The following PTPN14 variants were observed in gnomAD, a reference collection of about 807,000 sequenced individuals.
PTPN14 encodes tyrosine-protein phosphatase non-receptor type 14.
In PTPN14, 53 loss-of-function variants were observed where a neutral mutation model predicts 126.8. That is an observed-to-expected ratio of 0.42 (90% CI 0.34 to 0.53). PTPN14 has a LOEUF of 0.53. PTPN14 is among the 20% of genes least tolerant of loss of function. The pLI is 0.08. For synonymous variants in PTPN14, 630 were observed against 599.3 expected (o/e 1.05, Z -0.75); for missense variants, 1,257 against 1,552.9 (o/e 0.81, Z 3.20).
At chr1:214,411,575 C>CT (rs991992981) in intron 5 of PTPN14, 109 bp downstream of exon 5, 13 of 794,082 alleles carry the variant, frequency 1.6e-5, no homozygotes, top group Non-Finnish European at 2.4e-5. Context: ...AACCCATCGA[C>CT]TTTTTCCCCA....
In PTPN14 at chr1:214,451,877, T is replaced by C. The variant is rs1023660367; in HGVS notation, c.272A>G (p.Asn91Ser). The change falls in exon 3 of 19, where the codon AAT becomes AGT. Residue 91 changes from asparagine (N) to serine (S), a missense_variant. Transcript: ENST00000366956. ...GACTCCAAAGAAAAGCAAAGGCTCA[T>C]TAGCGAATTTGTCCAGATGTTTCTT... ...PLKKHLDKFA[N>S]EPLLFFGVMF... 6.2e-7 allele frequency: 1 copy of C among 1,614,244 alleles called. No homozygotes were observed. Among genetic ancestry groups the C allele is most frequent in the Non-Finnish European group, 8.5e-7 (1 of 1,180,046 alleles).
intron 9 of PTPN14, 95 bp from the exon 10 acceptor site, chr1:214,393,872 C>T (rs1658817123): frequency 3.1e-6 from 3 of 973,056 alleles, no homozygotes; most frequent in Non-Finnish European, 4.8e-6. Flanking sequence ...ACATCCCTTC[C>T]AACCTTCATC....
intron 1 of PTPN14, among the ~76,000 whole-genome samples, chr1:214,515,491 G>GA (rs146848157): frequency 0.021 from 3,192 of 149,138 alleles, 92 homozygotes; most frequent in African/African-American, 0.074. Context: ...CTCTATTTAA[G>GA]AAAAAAAAAT....
chr1:214,546,230 G>A (rs945591995), intron 1 of PTPN14, among the ~76,000 whole-genome samples: 66 of 152,314 alleles, frequency 4.3e-4, no homozygotes, highest in African/African-American at 1.5e-3. Context: ...TAAACGTGCT[G>A]AATCCAGAAA....
chr1:214,402,194 T>G (rs1433150217), intron 6 of PTPN14, among the ~76,000 whole-genome samples: 2 of 151,738 alleles, frequency 1.3e-5, no homozygotes, highest in African/African-American at 4.8e-5. Flanking sequence ...TCCCAGCACT[T>G]TGGGAGGCCG....
At chr1:214,462,190 A>G (rs981457928) in intron 2 of PTPN14, among the ~76,000 whole-genome samples, 4 of 152,164 alleles carry the variant, frequency 2.6e-5, no homozygotes, top group Non-Finnish European at 4.4e-5. Context: ...TCAGTATTAA[A>G]CACAAACCCC....
chr1:214,494,984 A>C (rs192138912), intron 1 of PTPN14, among the ~76,000 whole-genome samples: 1 of 152,302 alleles, frequency 6.6e-6, no homozygotes, highest in Admixed American at 6.5e-5. Flanking sequence ...CAATAAAATC[A>C]CTTTGGACCT....
intron 1 of PTPN14, among the ~76,000 whole-genome samples, chr1:214,505,679 T>C (rs1654823251): frequency 6.6e-6 from 1 of 152,204 alleles, no homozygotes; most frequent in African/African-American, 2.4e-5. Flanking sequence ...GAGGATTGCT[T>C]GAATTCAGAA....
chr1:214,431,822 G>A (rs1659803521), intron 3 of PTPN14, among the ~76,000 whole-genome samples: 3 of 152,202 alleles, frequency 2.0e-5, no homozygotes, highest in Admixed American at 2.0e-4. Context: ...TAATATGGAT[G>A]AAGAGCTTAG....
In PTPN14 at chr1:214,511,408, G is replaced by A. The variant is rs971522531; in HGVS notation, c.-155+39775C>T. ...CATCACTAATAAGCACATGAAAGATGCTTAGCAACACTAATCATCAGTAGA... is the reference window on the plus strand; with the variant it reads ...CATCACTAATAAGCACATGAAAGATACTTAGCAACACTAATCATCAGTAGA... On this transcript the variant is annotated intron_variant, in intron 1 of 18. Coordinates refer to ENST00000366956, the MANE Select transcript of PTPN14 (RefSeq NM_005401.5). Among the ~76,000 whole-genome samples the A allele has an allele frequency of 7.3e-5, 11 of 151,600 alleles. 1 individual carries two copies. In the South Asian group the frequency reaches 2.3e-3, roughly 32 times the overall value.
At chr1:214,543,348 T>C (rs993319572) in intron 1 of PTPN14, among the ~76,000 whole-genome samples, 14 of 152,314 alleles carry the variant, frequency 9.2e-5, no homozygotes, top group African/African-American at 3.4e-4. Flanking sequence ...CCATGTTTTT[T>C]AAGTATCCAA....
chr1:214,359,414 G>A (rs1166393966), intron 18 of PTPN14, among the ~76,000 whole-genome samples: 3 of 150,738 alleles, frequency 2.0e-5, no homozygotes, highest in Non-Finnish European at 4.4e-5. Context: ...AGTAGAGACG[G>A]GGTTTCAGCA....
chr1:214,449,011 C>CTTT (rs71165970), intron 3 of PTPN14, among the ~76,000 whole-genome samples: 11,019 of 112,470 alleles, frequency 0.098, 2,834 homozygotes, highest in African/African-American at 0.38. Flanking sequence ...CTTAATTTTT[C>CTTT]TTTTTTTTTT....
chr1:214,405,264 C>A (rs975643290), intron 5 of PTPN14, among the ~76,000 whole-genome samples: 9 of 152,296 alleles, frequency 5.9e-5, no homozygotes, highest in African/African-American at 2.2e-4. Flanking sequence ...TACCTCTTCC[C>A]CTTGTGCGTG....
At chr1:214,408,148 T>C (rs1571980976) in intron 5 of PTPN14, among the ~76,000 whole-genome samples, 1 of 152,334 alleles carries the variant, frequency 6.6e-6, no homozygotes, top group East Asian at 1.9e-4. Context: ...CTTGGCTTTT[T>C]ATTCTGATTT....
intron 1 of PTPN14, among the ~76,000 whole-genome samples, chr1:214,497,206 G>C (rs115971170): frequency 6.6e-6 from 1 of 152,042 alleles, no homozygotes; most frequent in African/African-American, 2.4e-5. Context: ...AAAAAAGTTA[G>C]TATCAAAGAA....
intron 3 of PTPN14, among the ~76,000 whole-genome samples, chr1:214,429,519 G>A (rs571115600): frequency 6.4e-4 from 97 of 152,200 alleles, no homozygotes; most frequent in African/African-American, 2.2e-3. Context: ...TTTGAAAAAA[G>A]GTGACTTTCA....
intron 1 of PTPN14, among the ~76,000 whole-genome samples, chr1:214,549,975 CCTT>C (rs1330800987): frequency 6.6e-6 from 1 of 152,214 alleles, no homozygotes; most frequent in Admixed American, 6.5e-5. Flanking sequence ...AACTTTCTGT[CCTT>C]CTTGTGTTCA....
At chr1:214,511,336 G>A (rs191835107) in intron 1 of PTPN14, among the ~76,000 whole-genome samples, 122 of 152,226 alleles carry the variant, frequency 8.0e-4, no homozygotes, top group African/African-American at 2.8e-3. Context: ...CTTAAATTGT[G>A]TGACTCAATT....
Sources: gnomAD v4.1 joint callset for allele counts (sites outside exome capture counted in the v4.1 genomes callset) on GRCh38, gnomAD v4.1.1 for gene constraint, MANE v1.5 for transcripts, NCBI Gene and HGNC (gene_info 2026-07-23, HGNC 2026-07-21) for gene names.